FAT3: variants seen among roughly 807,000 people sequenced by gnomAD.
FAT3 encodes the protein FAT atypical cadherin 3.
FAT3 carries 95 observed loss-of-function variants against 310.2 expected under a neutral mutation model. The observed-to-expected ratio is 0.31, with a 90% CI of 0.26 to 0.36. FAT3 has a LOEUF of 0.36. FAT3 is among the 10% of genes least tolerant of loss of function. The pLI, the probability that FAT3 is intolerant of heterozygous loss-of-function variation, is 1.00. For synonymous variants in FAT3, 2,314 were observed against 2,192.9 expected, an observed-to-expected ratio of 1.06 and a Z score of -1.54; for missense variants, 5,408 against 5,715.6, an observed-to-expected ratio of 0.95 and a Z score of 1.74.
chr11:92,786,742 C>A (rs1946903380), intron 7 of FAT3, among the ~76,000 whole-genome samples: 1 of 152,056 alleles, frequency 6.6e-6, no homozygotes. Flanking sequence ...TTGATCCAAC[C>A]ATCCCAATTC....
At chr11:92,263,333 C>T (rs1865633656) in intron 1 of FAT3, among the ~76,000 whole-genome samples, 1 of 151,896 alleles carries the variant, frequency 6.6e-6, no homozygotes, top group African/African-American at 2.4e-5. Context: ...TATACACACA[C>T]ACACACCACA....
At chr11:92,260,369 T>C (rs983565734) in intron 1 of FAT3, among the ~76,000 whole-genome samples, 6 of 152,056 alleles carry the variant, frequency 3.9e-5, no homozygotes, top group African/African-American at 9.7e-5. Context: ...TTTTGCCCTA[T>C]GGGGAAAAGG....
intron 4 of FAT3, among the ~76,000 whole-genome samples, chr11:92,750,481 G>A (rs985461460): frequency 3.3e-5 from 5 of 152,212 alleles, no homozygotes; most frequent in Admixed American, 6.5e-5. Flanking sequence ...GTTCTGATGA[G>A]CTGAGCAGAG....
chr11:92,814,365 C>T lies in FAT3; in HGVS notation c.9481+4289C>T, dbSNP rs1352039734. Among the ~76,000 whole-genome samples, 3 of 149,648 alleles carry T rather than the reference C, an allele frequency of 2.0e-5. No homozygotes were observed. The East Asian group carries it at 6.0e-4, about 30-fold the overall frequency. The stretch of plus-strand genomic sequence containing the variant: ...TGCTTTTAGCCAAACAACTCTTTTT[C>T]TATGAATCACTTATAATGAACTAAC... On this transcript the variant is annotated intron_variant, in intron 13 of 27. Coordinates refer to ENST00000525166, the MANE Select transcript of FAT3 (RefSeq NM_001367949.2).
chr11:92,468,611 GGA>G (rs1951832800), intron 2 of FAT3, among the ~76,000 whole-genome samples: 1 of 152,156 alleles, frequency 6.6e-6, no homozygotes. Flanking sequence ...GATTTATAAA[GGA>G]GAGAGGTTTA....
At chr11:92,884,828 G>A (rs978755182) in intron 24 of FAT3, among the ~76,000 whole-genome samples, 1 of 152,200 alleles carries the variant, frequency 6.6e-6, no homozygotes, top group Non-Finnish European at 1.5e-5. Context: ...TCTGCATGTA[G>A]GATGGTGGAC....
intron 7 of FAT3, among the ~76,000 whole-genome samples, chr11:92,777,262 A>C (rs1251732989): frequency 1.3e-5 from 2 of 152,192 alleles, no homozygotes; most frequent in Admixed American, 1.3e-4. Flanking sequence ...TCATCCATAA[A>C]CAACATGTTG....
intron 1 of FAT3, among the ~76,000 whole-genome samples, chr11:92,247,406 GCC>G (rs1864960457): frequency 6.6e-6 from 1 of 151,076 alleles, no homozygotes; most frequent in Non-Finnish European, 1.5e-5. Context: ...GGTGTGACAT[GCC>G]TCTTCTGCAA....
Position 92,569,748 on chromosome 11 carries a change from C to G in FAT3, c.3607+44800C>G, listed in dbSNP as rs536466983. Among the ~76,000 whole-genome samples the G allele has an allele frequency of 3.9e-5, 6 of 152,286 alleles. No individual in the cohort carries two copies. In the East Asian group the frequency reaches 1.2e-3, roughly 29 times the overall value. ...CCACTGCATTAATGTCCCCCCTTTA[C>G]TTGTATCATTTTGCATATTTAGTAG... On this transcript the variant is annotated intron_variant, in intron 3 of 27. Transcript: ENST00000525166.
intron 3 of FAT3, among the ~76,000 whole-genome samples, chr11:92,613,785 G>A (rs571170924): frequency 6.6e-6 from 1 of 152,144 alleles, no homozygotes; most frequent in African/African-American, 2.4e-5. Flanking sequence ...GCCTTTTAAA[G>A]TGTACAGTTC....
intron 2 of FAT3, among the ~76,000 whole-genome samples, chr11:92,432,676 C>G (rs1279397888): frequency 6.6e-6 from 1 of 152,160 alleles, no homozygotes; most frequent in African/African-American, 2.4e-5. Context: ...CCAGCCAGAG[C>G]TCTCCTGTAT....
At chr11:92,419,898 T>A (rs1337736341) in intron 2 of FAT3, among the ~76,000 whole-genome samples, 1 of 152,208 alleles carries the variant, frequency 6.6e-6, no homozygotes, top group African/African-American at 2.4e-5. Flanking sequence ...CTTGAGAGGA[T>A]AACCTTTTAA....
intron 3 of FAT3, among the ~76,000 whole-genome samples, chr11:92,608,483 A>G (rs1488616292): frequency 2.0e-5 from 3 of 152,080 alleles, no homozygotes; most frequent in Admixed American, 2.0e-4. Context: ...GGTGTGAAAT[A>G]TGTGAGTTTG....
Position 92,890,802 on chromosome 11 carries a change from C to A in FAT3, c.13459C>A (p.Gln4487Lys), listed in dbSNP as rs2136446805. 6.2e-7 allele frequency: 1 copy of A among 1,613,630 alleles called. No homozygotes were observed. ...GAGCCCAGACTGCAGGAGAAGGCCC[C>A]AGTTTCATCCTAGCCAGTATCTCCC... is the stretch of plus-strand genomic sequence containing the variant. ...TLSPDCRRRP[Q>K]FHPSQYLPPH... Residue 4487 changes from glutamine to lysine, a missense_variant, in exon 28 of 28, where the codon CAG becomes AAG. Gln to Lys is a moderately conservative substitution (Grantham distance 53). Transcript: ENST00000525166.
rs1292382096 is a variant in FAT3 at position 92,799,752 on chromosome 11, G to T, written c.6739G>T (p.Asp2247Tyr). The change falls in exon 10 of 28, where the codon GAT (aspartate) becomes TAT (tyrosine). Residue 2247 changes from aspartate to tyrosine, a missense_variant. By Grantham distance (160) the Asp-to-Tyr change is radical (BLOSUM62 -3). Around this residue, in one of 5 missense-constraint regions of FAT3, gnomAD observed 4,588 missense variants for 4,809.8 expected, o/e 0.95. Transcript: ENST00000525166. ...TGVLKVVSPL[D>Y]YEVTSAYKLT... is the part of the protein sequence containing the mutation. ...GGTCCTGAAAGTTGTTAGCCCTTTGGATTATGAAGTTACATCTGCTTACAA... is the reference window on the plus strand; with the variant it reads ...GGTCCTGAAAGTTGTTAGCCCTTTGTATTATGAAGTTACATCTGCTTACAA... 1 of 1,612,588 alleles carries T rather than the reference G, an allele frequency of 6.2e-7. No homozygotes were observed. The highest frequency in any genetic ancestry group is 1.7e-5 in the Admixed American group (1 of 59,828).
At chr11:92,660,249 T>C (rs1009190041) in intron 3 of FAT3, among the ~76,000 whole-genome samples, 9 of 151,322 alleles carry the variant, frequency 5.9e-5, no homozygotes, top group African/African-American at 1.7e-4. Context: ...ACGAAACACA[T>C]GACCATTTGT....
Position 92,817,667 on chromosome 11 carries a change from G to T in FAT3, c.9481+7591G>T, listed in dbSNP as rs535169882. Among the ~76,000 whole-genome samples, 53 of 152,334 alleles carry T rather than the reference G, an allele frequency of 3.5e-4. 1 individual carries two copies. The South Asian group carries it at 8.1e-3, about 23-fold the overall frequency. On this transcript the variant is annotated intron_variant, in intron 13 of 27. Coordinates refer to ENST00000525166, the MANE Select transcript of FAT3 (RefSeq NM_001367949.2). ...CAAAGCAAAGCTCTTTTCAGAGGAA[G>T]TACAGGGCTGGCCCAGGGTCATGGG... is the stretch of plus-strand genomic sequence containing the variant.
intron 3 of FAT3, among the ~76,000 whole-genome samples, chr11:92,605,719 GTTTTTT>G (rs5793613): frequency 1.0e-5 from 1 of 99,760 alleles, no homozygotes; most frequent in African/African-American, 4.2e-5. Context: ...AAATAGCTAT[GTTTTTT>G]TTTTTTTTTT....
At chr11:92,547,990 G>T (rs985100973) in intron 3 of FAT3, among the ~76,000 whole-genome samples, 1 of 152,032 alleles carries the variant, frequency 6.6e-6, no homozygotes, top group Non-Finnish European at 1.5e-5. Flanking sequence ...AGACATCTTC[G>T]GCCTTGGCTG....
Sources: allele counts gnomAD v4.1 joint callset (sites outside exome capture counted in the v4.1 genomes callset), GRCh38; gene constraint gnomAD v4.1.1; regional missense constraint gnomAD v4.1.1; transcripts MANE v1.5; gene names NCBI Gene and HGNC (gene_info 2026-07-23, HGNC 2026-07-21).